PARP12: variants seen among roughly 807,000 people sequenced by gnomAD.
PARP12 encodes poly(ADP-ribose) polymerase family member 12, also known as protein mono-ADP-ribosyltransferase PARP12.
In PARP12, 59 loss-of-function variants were observed where a neutral mutation model predicts 72.4. The observed-to-expected ratio is 0.81, with a 90% CI of 0.66 to 1.01. The LOEUF is 1.01. PARP12 is among the 50% of genes least tolerant of loss of function. PARP12 has a pLI of 0.00. For synonymous variants in PARP12, 403 were observed against 371.4 expected, an observed-to-expected ratio of 1.09 and a Z score of -0.98; for missense variants, 851 against 914.0, an observed-to-expected ratio of 0.93 and a Z score of 0.89.
chr7:140,062,459 G>A (rs372151943), intron 1 of PARP12, 63 bp downstream of exon 1: 3 of 1,454,274 alleles, frequency 2.1e-6, no homozygotes, highest in East Asian at 5.4e-5. Context: ...CCCCAAGCGG[G>A]CTGGAAGTGC....
At position 140,062,698 on chromosome 7, in the gene PARP12, C is replaced by T. The variant is rs1465770242; in HGVS notation, c.150G>A (p.Val50=). 9 of 1,314,922 alleles carry T rather than the reference C, an allele frequency of 6.8e-6. No homozygotes were observed. The Admixed American group carries it at 2.5e-4, about 37-fold the overall frequency. 81.5% of individuals were successfully genotyped at this position (1,314,922 alleles called of 1,614,324 possible). The change falls in exon 1 of 12, where the codon GTG becomes GTA. Residue 50 remains valine (V), a synonymous_variant. Transcript: ENST00000263549. ...ERLLRQRGRF[V]VAVRAGGAAA... is the part of the protein sequence containing the mutation. Reference sequence around the variant, plus strand: ...CTGCGCCGCCCGCCCGCACCGCCACCACGAAGCGCCCACGCTGCCGCAGCA... The same window carrying T: ...CTGCGCCGCCCGCCCGCACCGCCACTACGAAGCGCCCACGCTGCCGCAGCA...
rs867136770 is a variant in PARP12 at position 140,028,606 on chromosome 7, C to A, written c.1497+7G>T. ...CCTGTCCAGCCCCAGGCGCATGCGT[C>A]CCCTACCTGAAAGCCTGGGTCTGGC... On this transcript the variant is annotated splice_region_variant and intron_variant, in intron 9 of 11. Transcript: ENST00000263549. The A allele has an allele frequency of 1.2e-5, 19 of 1,582,838 alleles. No individual in the cohort carries two copies. The Middle Eastern group carries it at 3.2e-3, about 268-fold the overall frequency.
intron 8 of PARP12, 84 bp downstream of exon 8, chr7:140,034,151 G>A (rs1490787218): frequency 1.9e-5 from 29 of 1,528,502 alleles, no homozygotes; most frequent in South Asian, 1.8e-4. Flanking sequence ...CCCGGGTGCT[G>A]TCTGAGGCAG....
rs374706302 is a variant in PARP12 at position 140,046,303 on chromosome 7, T to G, written c.986+581A>C. Among the ~76,000 whole-genome samples, 107 of 152,310 alleles carry G rather than the reference T, an allele frequency of 7.0e-4. 1 individual carries two copies. Among genetic ancestry groups the G allele is most frequent in the African/African-American group, 2.5e-3 (105 of 41,564 alleles). ...CTCAAATTCTCTTCTTGGCAACATA[T>G]TTCAGCAAGTTCAATGAAAAATATG... On this transcript the variant is annotated intron_variant, in intron 5 of 11. Coordinates refer to ENST00000263549, the MANE Select transcript of PARP12 (RefSeq NM_022750.4).
At chr7:140,050,347 TC>T (rs1248486428) in intron 4 of PARP12, among the ~76,000 whole-genome samples, 1 of 152,280 alleles carries the variant, frequency 6.6e-6, no homozygotes, top group Admixed American at 6.5e-5. Flanking sequence ...GCTGTGCACT[TC>T]CTAGTTAAAC....
intron 3 of PARP12, among the ~76,000 whole-genome samples, chr7:140,056,163 C>G (rs1388158891): frequency 6.6e-6 from 1 of 152,196 alleles, no homozygotes; most frequent in Non-Finnish European, 1.5e-5. Flanking sequence ...TTCATCTGCC[C>G]CACAAGAGGT....
chr7:140,047,321 G>T (rs1374755776), intron 4 of PARP12, among the ~76,000 whole-genome samples: 1 of 152,190 alleles, frequency 6.6e-6, no homozygotes, highest in Admixed American at 6.5e-5. Flanking sequence ...GGATTAATGG[G>T]TGTATGGGTT....
intron 5 of PARP12, among the ~76,000 whole-genome samples, chr7:140,043,966 G>C (rs571707257): frequency 6.6e-6 from 1 of 152,340 alleles, no homozygotes; most frequent in East Asian, 1.9e-4. Flanking sequence ...TTTAGAAAGA[G>C]AATAAAAGAG....
At chr7:140,036,417 C>A (rs1354679761) in intron 7 of PARP12, among the ~76,000 whole-genome samples, 1 of 152,128 alleles carries the variant, frequency 6.6e-6, no homozygotes, top group Non-Finnish European at 1.5e-5. Context: ...GGAAAGCAAA[C>A]CAGACCACAC....
chr7:140,051,190 T>G (rs1295435275), intron 4 of PARP12, among the ~76,000 whole-genome samples: 1 of 152,138 alleles, frequency 6.6e-6, no homozygotes, highest in Non-Finnish European at 1.5e-5. Context: ...AAAAAGTTCA[T>G]GGAAAACGGA....
At position 140,034,249 on chromosome 7, in the gene PARP12, C is replaced by T. The variant is rs1252410928; in HGVS notation, c.1407G>A (p.Thr469=). The T allele has an allele frequency of 1.5e-5, 24 of 1,612,610 alleles. No individual in the cohort carries two copies. The highest frequency in any genetic ancestry group is 1.9e-5 in the Non-Finnish European group (22 of 1,179,224). ...CTGCAACCTACCAGGTTTGCATGGT[C>T]GTCACATCCTGGGGAGACACGTATT... ...RPKYVSPQDV[T]TMQTCNTKFP... is the part of the protein sequence containing the mutation. The change falls in exon 8 of 12, where the codon ACG becomes ACA. Residue 469 remains threonine, a synonymous_variant. Transcript: ENST00000263549.
intron 2 of PARP12, chr7:140,057,465 C>T (rs1252186313): frequency 1.9e-5 from 8 of 427,780 alleles, no homozygotes; most frequent in Non-Finnish European, 3.3e-5. Flanking sequence ...TCCTAAGGAC[C>T]TCTACAATCT....
At chr7:140,058,268 T>C (rs1428921032) in intron 1 of PARP12, among the ~76,000 whole-genome samples, 2 of 151,946 alleles carry the variant, frequency 1.3e-5, no homozygotes, top group African/African-American at 4.8e-5. Context: ...TCCCAGCACT[T>C]TGGGAGGCCG....
chr7:140,042,187 C>T (rs762259922), intron 5 of PARP12, among the ~76,000 whole-genome samples: 1 of 152,158 alleles, frequency 6.6e-6, no homozygotes, highest in Non-Finnish European at 1.5e-5. Flanking sequence ...TGAGTGTTTA[C>T]TGTGTGAGCC....
chr7:140,046,549 C>A (rs141611558), intron 5 of PARP12, among the ~76,000 whole-genome samples: 4 of 152,306 alleles, frequency 2.6e-5, no homozygotes, highest in African/African-American at 9.6e-5. Flanking sequence ...ATGATCAATC[C>A]CAGCACCAAA....
intron 6 of PARP12, 45 bp from the exon 7 acceptor site, chr7:140,037,901 G>A (rs775737298): frequency 6.3e-7 from 1 of 1,584,004 alleles, no homozygotes; most frequent in Non-Finnish European, 8.6e-7. Context: ...GAAACTGCGT[G>A]ATGAGGAAAA....
intron 4 of PARP12, 115 bp downstream of exon 4, chr7:140,054,547 G>A (rs889046423): frequency 1.1e-5 from 9 of 839,080 alleles, no homozygotes; most frequent in African/African-American, 5.1e-5. Context: ...GCCAAGCCCT[G>A]ATCCTCTCCG....
At chr7:140,050,251 G>A (rs962321837) in intron 4 of PARP12, among the ~76,000 whole-genome samples, 7 of 152,160 alleles carry the variant, frequency 4.6e-5, no homozygotes, top group African/African-American at 1.7e-4. Flanking sequence ...GAGCAAGAAC[G>A]ATACCCAGGC....
intron 5 of PARP12, 119 bp downstream of exon 5, chr7:140,046,765 A>G: frequency 8.9e-7 from 1 of 1,129,594 alleles, no homozygotes; most frequent in Non-Finnish European, 1.2e-6. Flanking sequence ...TGTCACACAC[A>G]GAAGCCCAGG....
Sources: gnomAD v4.1 joint callset for allele counts (sites outside exome capture counted in the v4.1 genomes callset) on GRCh38, gnomAD v4.1.1 for gene constraint, MANE v1.5 for transcripts, NCBI Gene and HGNC (gene_info 2026-07-23, HGNC 2026-07-21) for gene names.